The following ENOX2 variants were observed in gnomAD, a reference collection of about 807,000 sequenced individuals.
The protein encoded by ENOX2 is APK1 antigen.
ENOX2 carries 36 observed loss-of-function variants against 45.0 expected under a neutral mutation model. The ratio of observed to expected loss-of-function variants is 0.80; its 90% CI spans 0.61 to 1.06. The LOEUF is 1.06. Among genes scored for constraint, ENOX2 ranks in the 50% least tolerant of loss-of-function variants. ENOX2 has a pLI of 0.00. For synonymous variants in ENOX2, 174 were observed against 152.3 expected, an observed-to-expected ratio of 1.14 and a Z score of -1.05; for missense variants, 423 against 462.5, an observed-to-expected ratio of 0.91 and a Z score of 0.78.
chrX:130,717,627 C>T (rs769197216), intron 3 of ENOX2, among the ~76,000 whole-genome samples: 19 of 112,263 alleles, frequency 1.7e-4, no homozygotes, highest in African/African-American at 5.8e-4. Flanking sequence ...AAATGTAAAG[C>T]TAATTTCTGT....
intron 2 of ENOX2, among the ~76,000 whole-genome samples, chrX:130,840,522 AAAATAAATAAAT>A (rs61403363): frequency 4.1e-4 from 42 of 103,220 alleles, no homozygotes; most frequent in African/African-American, 6.2e-4. Flanking sequence ...TCTCTTTTAA[AAAATAAATAAAT>A]AAATAAATAA....
At chrX:130,709,148 C>A in intron 3 of ENOX2, 1 of 762,138 alleles carries the variant, frequency 1.3e-6, no homozygotes, top group Non-Finnish European at 2.0e-6. Context: ...CTTCTGCACC[C>A]TTTACTGTGA....
intron 2 of ENOX2, among the ~76,000 whole-genome samples, chrX:130,804,109 G>T (rs1330661076): frequency 9.0e-6 from 1 of 111,308 alleles, no homozygotes; most frequent in Non-Finnish European, 1.9e-5. Flanking sequence ...TCTGGTAAAA[G>T]AATTAATGAG....
At chrX:130,729,610 T>C (rs2038688723) in intron 3 of ENOX2, among the ~76,000 whole-genome samples, 1 of 111,790 alleles carries the variant, frequency 8.9e-6, no homozygotes, top group South Asian at 3.7e-4. Flanking sequence ...TAGGAGATAA[T>C]ATGGAAACGT....
intron 4 of ENOX2, among the ~76,000 whole-genome samples, chrX:130,701,037 G>GC (rs2037884995): frequency 8.9e-6 from 1 of 112,019 alleles, no homozygotes; most frequent in Non-Finnish European, 1.9e-5. Context: ...TTGCTTGGTG[G>GC]CATTTTTGTT....
chrX:130,809,556 G>A (rs1291774243), intron 2 of ENOX2, among the ~76,000 whole-genome samples: 1 of 111,450 alleles, frequency 9.0e-6, no homozygotes, highest in Non-Finnish European at 1.9e-5. Context: ...CTTGGACTGG[G>A]AAAAAACAAA....
chrX:130,808,879 T>G (rs1281687920), intron 2 of ENOX2, among the ~76,000 whole-genome samples: 1 of 112,538 alleles, frequency 8.9e-6, no homozygotes, highest in African/African-American at 3.2e-5. Context: ...TTCACAGAAC[T>G]AGAGAGACTA....
intron 14 of ENOX2, among the ~76,000 whole-genome samples, 183 bp from the exon 15 acceptor site, chrX:130,625,628 C>T (rs918097531): frequency 8.9e-6 from 1 of 112,081 alleles, no homozygotes; most frequent in Non-Finnish European, 1.9e-5. Flanking sequence ...CAGCGTTCCT[C>T]TGCTGTGACC....
At chrX:130,649,034 A>G (rs1336844418) in intron 10 of ENOX2, among the ~76,000 whole-genome samples, 2 of 74,767 alleles carry the variant, frequency 2.7e-5, no homozygotes, top group African/African-American at 1.1e-4. Context: ...ACAGTGGGAG[A>G]CTCCATATCA....
At chrX:130,777,493 CAA>C (rs1206232015) in intron 3 of ENOX2, among the ~76,000 whole-genome samples, 9 of 78,447 alleles carry the variant, frequency 1.1e-4, no homozygotes, top group Non-Finnish European at 1.3e-4. Context: ...CTCTCTCTCT[CAA>C]AAAAAAAAAA....
chrX:130,772,424 G>A (rs1196902563), intron 3 of ENOX2, among the ~76,000 whole-genome samples: 1 of 111,694 alleles, frequency 9.0e-6, no homozygotes, highest in African/African-American at 3.3e-5. Context: ...TTAGAAAACA[G>A]CTTGCCAGCA....
At chrX:130,883,022 G>A (rs895331919) in intron 2 of ENOX2, among the ~76,000 whole-genome samples, 4 of 112,492 alleles carry the variant, frequency 3.6e-5, no homozygotes, top group African/African-American at 1.3e-4. Flanking sequence ...TGCTGTGAGC[G>A]TTGATGAGTT....
chrX:130,632,417 T>C (rs950038728), intron 12 of ENOX2, among the ~76,000 whole-genome samples: 6 of 93,332 alleles, frequency 6.4e-5, no homozygotes, highest in Admixed American at 2.6e-4. Context: ...TGACCAGCAG[T>C]CAAACTGAAA....
chrX:130,632,410 C>T (rs1225402239), intron 12 of ENOX2, among the ~76,000 whole-genome samples: 2 of 94,988 alleles, frequency 2.1e-5, no homozygotes, highest in African/African-American at 7.4e-5. Context: ...AAATCCATGA[C>T]CAGCAGTCAA....
At chrX:130,821,741 T>TAAAAAAAAAAAAAAAAAAAAAAA (rs1569505783) in intron 2 of ENOX2, among the ~76,000 whole-genome samples, 2 of 24,209 alleles carry the variant, frequency 8.3e-5, no homozygotes, top group Admixed American at 4.8e-4. Flanking sequence ...AATAAATAAA[T>TAAAAAAAAAAAAAAAAAAAAAAA]TAAAAAAAAA....
intron 2 of ENOX2, among the ~76,000 whole-genome samples, chrX:130,834,700 G>T (rs2077899583): frequency 9.0e-6 from 1 of 111,373 alleles, no homozygotes; most frequent in East Asian, 2.8e-4. Flanking sequence ...TAATTATGCT[G>T]TGTGTTTCTG....
intron 7 of ENOX2, among the ~76,000 whole-genome samples, chrX:130,668,151 T>C (rs2036889250): frequency 9.3e-6 from 1 of 107,463 alleles, no homozygotes; most frequent in Admixed American, 9.9e-5. Context: ...AACCATGAAT[T>C]AGTGAGGGAA....
chrX:130,630,568 G>C (rs1188286327), intron 13 of ENOX2, among the ~76,000 whole-genome samples: 1 of 111,458 alleles, frequency 9.0e-6, no homozygotes, highest in Non-Finnish European at 1.9e-5. Context: ...AAAATGTATA[G>C]AAACTCTGCA....
At chrX:130,698,323 G>A (rs753054715) in intron 4 of ENOX2, among the ~76,000 whole-genome samples, 1 of 109,600 alleles carries the variant, frequency 9.1e-6, no homozygotes, top group Admixed American at 9.8e-5. Context: ...AAATGATGAC[G>A]CCTCGGTCTT....
Sources: gnomAD v4.1 joint callset for allele counts (sites outside exome capture counted in the v4.1 genomes callset) on GRCh38, gnomAD v4.1.1 for gene constraint, MANE v1.5 for transcripts, NCBI Gene and HGNC (gene_info 2026-07-23, HGNC 2026-07-21) for gene names.